The following HHIPL2 variants were observed in gnomAD, a reference collection of about 807,000 sequenced individuals.
HHIPL2 encodes HHIP like 2, also known as HHIP-like protein 2.
HHIPL2 carries 61 observed loss-of-function variants against 61.0 expected under a neutral mutation model. The observed-to-expected ratio is 1.00, with a 90% confidence interval of 0.81 to 1.24. The LOEUF (loss-of-function observed/expected upper bound fraction) is 1.24, where lower values mean the gene tolerates loss of function less well. Among genes scored for constraint, HHIPL2 ranks in the 50% most tolerant of loss-of-function variants. The probability of loss-of-function intolerance (pLI) is 0.00; values close to 1 mark genes in which losing one functional copy is unlikely to be tolerated. For synonymous variants in HHIPL2, 343 were observed against 357.4 expected (o/e 0.96, Z 0.45); for missense variants, 885 against 910.2 (o/e 0.97, Z 0.36).
At chr1:222,531,568 C>T (rs914552488) in intron 6 of HHIPL2, among the ~76,000 whole-genome samples, 6 of 151,906 alleles carry the variant, frequency 3.9e-5, no homozygotes, top group African/African-American at 1.5e-4. Context: ...GCCAACACGG[C>T]AAAACCCCGT....
At chr1:222,532,945 G>A (rs1294558287) in intron 5 of HHIPL2, among the ~76,000 whole-genome samples, 2 of 152,178 alleles carry the variant, frequency 1.3e-5, no homozygotes, top group Non-Finnish European at 1.5e-5. Flanking sequence ...ACTAAAAGCA[G>A]GTTTTTAGAA....
At chr1:222,534,630 C>T (rs536012197) in intron 5 of HHIPL2, among the ~76,000 whole-genome samples, 1 of 147,990 alleles carries the variant, frequency 6.8e-6, no homozygotes, top group Admixed American at 6.7e-5. Context: ...ACAGAGCAGA[C>T]CCAAATCAAG....
intron 2 of HHIPL2, among the ~76,000 whole-genome samples, chr1:222,542,881 T>C (rs974565318): frequency 6.6e-6 from 1 of 152,164 alleles, no homozygotes; most frequent in African/African-American, 2.4e-5. Flanking sequence ...GTAACAACCA[T>C]CCTTTTCCAG....
chr1:222,522,890 G>A lies in HHIPL2; in HGVS notation c.1889-3C>T. ...CTTTAGCAAGTCCAAGACTGTCTCT[G>A]AGAAATCAGTATTTATTTAGTGAAA... On this transcript the variant is annotated splice_region_variant and splice_polypyrimidine_tract_variant and intron_variant, in intron 8 of 8. Coordinates refer to ENST00000343410, the MANE Select transcript of HHIPL2 (RefSeq NM_024746.4). 1 of 1,610,818 alleles carries A rather than the reference G, an allele frequency of 6.2e-7. No homozygotes were observed. The highest frequency in any genetic ancestry group is 8.5e-7 in the Non-Finnish European group (1 of 1,178,392).
intron 5 of HHIPL2, among the ~76,000 whole-genome samples, chr1:222,537,337 A>G (rs1177914498): frequency 1.3e-5 from 2 of 151,330 alleles, no homozygotes; most frequent in Admixed American, 1.3e-4. Flanking sequence ...GTTACTGTGT[A>G]ACATCACACC....
rs991560131 is a variant in HHIPL2 at position 222,538,503 on chromosome 1, A to G, written c.1577+145T>C. 1.4e-5 allele frequency: 10 copies of G among 734,474 alleles called. No individual in the cohort carries two copies. In the African/African-American group the frequency reaches 1.4e-4, roughly 10 times the overall value. 45.5% of individuals were successfully genotyped at this position (734,474 alleles called of 1,614,324 possible). A position where few individuals can be genotyped will look rare whatever the true frequency, so the allele number is the denominator to read the frequency against. On this transcript the variant is annotated intron_variant, in intron 5 of 8. Coordinates refer to ENST00000343410, the MANE Select transcript of HHIPL2 (RefSeq NM_024746.4). ...TGATGGAAGTGTTCTGCCTCTTGAT[A>G]TGGTTGGTGGTAATATGAGTGCATA...
Position 222,535,288 on chromosome 1 carries a change from A to G in HHIPL2, c.1578-3177T>C, listed in dbSNP as rs546256894. The stretch of plus-strand genomic sequence containing the variant: ...ACTCCAAAAGTGAAAACAATTCATC[A>G]CTATAGACCCCATTGACAAGAAATG... On this transcript the variant is annotated intron_variant, in intron 5 of 8. Transcript: ENST00000343410. Among the ~76,000 whole-genome samples, 4 of 152,364 alleles carry G rather than the reference A, an allele frequency of 2.6e-5. No individual in the cohort carries two copies. The South Asian group carries it at 8.3e-4, about 32-fold the overall frequency.
At chr1:222,536,685 G>T (rs546222610) in intron 5 of HHIPL2, among the ~76,000 whole-genome samples, 1 of 152,232 alleles carries the variant, frequency 6.6e-6, no homozygotes, top group East Asian at 1.9e-4. Flanking sequence ...AAAAACTATA[G>T]TTCACTATTC....
chr1:222,527,251 C>T (rs1332782908), intron 6 of HHIPL2, among the ~76,000 whole-genome samples: 2 of 152,344 alleles, frequency 1.3e-5, no homozygotes, highest in African/African-American at 4.8e-5. Context: ...TTGAACCCCC[C>T]AAAGACTAGC....
chr1:222,533,058 A>C (rs1161552062), intron 5 of HHIPL2, among the ~76,000 whole-genome samples: 1 of 152,176 alleles, frequency 6.6e-6, no homozygotes, highest in Non-Finnish European at 1.5e-5. Context: ...TGATAAGTAC[A>C]CCTCAATTAA....
At chr1:222,547,263 C>G (rs746753952) in intron 1 of HHIPL2, among the ~76,000 whole-genome samples, 22 of 152,174 alleles carry the variant, frequency 1.4e-4, no homozygotes, top group Middle Eastern at 3.2e-3. Context: ...AGGGTGACGC[C>G]AGAGATGCCC....
chr1:222,544,879 G>T (rs952081047), intron 1 of HHIPL2, among the ~76,000 whole-genome samples: 15 of 152,160 alleles, frequency 9.9e-5, no homozygotes, highest in African/African-American at 3.6e-4. Context: ...CAGAGATTAG[G>T]TGTTTAGCAA....
At chr1:222,530,755 ATTTTTTGTG>A (rs1659170121) in intron 6 of HHIPL2, among the ~76,000 whole-genome samples, 1 of 117,064 alleles carries the variant, frequency 8.5e-6, no homozygotes. Flanking sequence ...TTTCTTGTGT[ATTTTTTGTG>A]TTTTTTGATT....
rs755269727 is a variant in HHIPL2, at chr1:222,543,661, G to A, written c.850C>T (p.Arg284Cys). The change falls in exon 2 of 9, where the codon CGC becomes TGC. Residue 284 changes from arginine to cysteine, a missense_variant. Arg to Cys is a radical substitution (Grantham distance 180). Coordinates refer to ENST00000343410, the MANE Select transcript of HHIPL2 (RefSeq NM_024746.4). ...TAAATATAGAACTTGCGATTGTGGC[G>A]GAATTTGGGGTGAAAAGCCAACCCC... is the stretch of plus-strand genomic sequence containing the variant. ...FLGLAFHPKF[R>C]HNRKFYIYYS... 5 of 1,614,094 alleles carry A rather than the reference G, an allele frequency of 3.1e-6. No homozygotes were observed. The South Asian group carries it at 3.3e-5, about 11-fold the overall frequency.
chr1:222,547,144 C>G (rs1419843091), intron 1 of HHIPL2, among the ~76,000 whole-genome samples: 1 of 152,198 alleles, frequency 6.6e-6, no homozygotes, highest in Non-Finnish European at 1.5e-5. Context: ...CCAGGAGAAG[C>G]AGAAACTCTG....
intron 7 of HHIPL2, among the ~76,000 whole-genome samples, chr1:222,525,487 C>T (rs1257246103): frequency 6.6e-6 from 1 of 152,162 alleles, no homozygotes; most frequent in Non-Finnish European, 1.5e-5. Flanking sequence ...CTTCCGAGAA[C>T]ACACAAACTG....
intron 3 of HHIPL2, among the ~76,000 whole-genome samples, chr1:222,541,704 A>G (rs1659435888): frequency 6.6e-6 from 1 of 152,160 alleles, no homozygotes. Context: ...GTTCAATAAT[A>G]TTATTGAGTT....
Position 222,540,499 on chromosome 1 carries a change from C to T in HHIPL2, c.1119-158G>A, listed in dbSNP as rs138356375. ...TCTTATTTTCCTTCTTTTTTTGTAC[C>T]CGCAAGTATGAGCTTGAAGATTTTC... On this transcript the variant is annotated intron_variant, in intron 3 of 8. Transcript: ENST00000343410. Among the ~76,000 whole-genome samples the T allele has an allele frequency of 7.9e-5, 12 of 152,198 alleles. No individual in the cohort carries two copies. The East Asian group carries it at 2.1e-3, about 27-fold the overall frequency.
intron 5 of HHIPL2, among the ~76,000 whole-genome samples, chr1:222,534,577 T>TAAAAAAAAAA (rs67437927): frequency 2.8e-5 from 2 of 72,676 alleles, no homozygotes; most frequent in East Asian, 4.7e-4. Flanking sequence ...ACTCCATCTC[T>TAAAAAAAAAA]AAAAAAAAAA....
Sources: gnomAD v4.1 joint callset for allele counts (sites outside exome capture counted in the v4.1 genomes callset) on GRCh38, gnomAD v4.1.1 for gene constraint, MANE v1.5 for transcripts, NCBI Gene and HGNC (gene_info 2026-07-23, HGNC 2026-07-21) for gene names.